The following CCDC7 variants were observed in gnomAD, a reference collection of about 807,000 sequenced individuals.
CCDC7 encodes the protein coiled-coil domain containing 7, also known as coiled-coil domain-containing protein 7.
CCDC7 carries 183 observed loss-of-function variants against 196.9 expected under a neutral mutation model. That is an observed-to-expected ratio of 0.93 (90% CI 0.82 to 1.05). The LOEUF (loss-of-function observed/expected upper bound fraction) is 1.05, where lower values mean the gene tolerates loss of function less well. CCDC7 is among the 50% of genes least tolerant of loss of function. The pLI is 0.00. For synonymous variants in CCDC7, 525 were observed against 484.6 expected, an observed-to-expected ratio of 1.08 and a Z score of -1.10; for missense variants, 1,540 against 1,482.2, an observed-to-expected ratio of 1.04 and a Z score of -0.64.
intron 21 of CCDC7, among the ~76,000 whole-genome samples, chr10:32,685,550 C>T (rs929920541): frequency 3.3e-5 from 5 of 152,182 alleles, no homozygotes; most frequent in African/African-American, 4.8e-5. Context: ...TTGGACACCC[C>T]TAGAACTTTA....
intron 41 of CCDC7, among the ~76,000 whole-genome samples, chr10:32,872,336 G>A (rs2094459132): frequency 6.6e-6 from 1 of 151,512 alleles, no homozygotes; most frequent in South Asian, 2.1e-4. Context: ...ATCTTTGTTG[G>A]TTTATCAGAG....
At chr10:32,791,108 A>G (rs2082627764) in intron 29 of CCDC7, among the ~76,000 whole-genome samples, 1 of 152,204 alleles carries the variant, frequency 6.6e-6, no homozygotes, top group Non-Finnish European at 1.5e-5. Flanking sequence ...TAGGCCACTG[A>G]GGCACCCACA....
In CCDC7 at chr10:32,544,238, A is replaced by G. The variant is rs372710344; in HGVS notation, c.1080-9A>G. ...ATCATGATGCATTTTAAAACATTTTATGTTACAGGAAGATGTCTCCAGAAA... is the reference window on the plus strand; with the variant it reads ...ATCATGATGCATTTTAAAACATTTTGTGTTACAGGAAGATGTCTCCAGAAA... On this transcript the variant is annotated splice_polypyrimidine_tract_variant and intron_variant, in intron 12 of 41. Transcript: ENST00000639629. 8.0e-5 allele frequency: 128 copies of G among 1,599,106 alleles called. No individual in the cohort carries two copies. In the Middle Eastern group the frequency reaches 8.3e-4, roughly 10 times the overall value.
At chr10:32,624,984 G>GTTTTTTT (rs35752534) in intron 18 of CCDC7, among the ~76,000 whole-genome samples, 7 of 51,680 alleles carry the variant, frequency 1.4e-4, no homozygotes, top group Non-Finnish European at 2.2e-4. Flanking sequence ...CTTTGCACAA[G>GTTTTTTT]TTTTTTTTTT....
chr10:32,644,913 G>C (rs947287146), intron 20 of CCDC7, among the ~76,000 whole-genome samples: 1 of 152,158 alleles, frequency 6.6e-6, no homozygotes, highest in Non-Finnish European at 1.5e-5. Flanking sequence ...CAACTGGATA[G>C]TATTCATTGC....
intron 9 of CCDC7, among the ~76,000 whole-genome samples, chr10:32,493,719 T>G (rs2042482257): frequency 6.6e-6 from 1 of 152,070 alleles, no homozygotes; most frequent in South Asian, 2.1e-4. Context: ...TTCTTTTTGA[T>G]AATAGCCATT....
chr10:32,765,369 A>G (rs974872495), intron 28 of CCDC7, among the ~76,000 whole-genome samples: 5 of 152,032 alleles, frequency 3.3e-5, no homozygotes, highest in African/African-American at 4.8e-5. Flanking sequence ...ATGGAGGGCA[A>G]GTGATCAATG....
At chr10:32,741,882 A>G (rs1395812554) in intron 28 of CCDC7, among the ~76,000 whole-genome samples, 1 of 152,138 alleles carries the variant, frequency 6.6e-6, no homozygotes, top group Non-Finnish European at 1.5e-5. Flanking sequence ...TACACATTTA[A>G]ATTTGTTATA....
At chr10:32,697,688 G>A (rs992874507) in intron 24 of CCDC7, among the ~76,000 whole-genome samples, 7 of 152,164 alleles carry the variant, frequency 4.6e-5, no homozygotes, top group African/African-American at 1.7e-4. Context: ...GAACTAGGTG[G>A]AGCCCACCGC....
Position 32,834,798 on chromosome 10 carries a change from C to T in CCDC7, c.3269-17C>T. On this transcript the variant is annotated splice_polypyrimidine_tract_variant and intron_variant, in intron 32 of 41. Coordinates refer to ENST00000639629, the Ensembl canonical transcript of CCDC7. ...TTACCTTTCAAAGCGTTTTGAAAAC[C>T]TGTTTTATTTTTATAGAGACTGTCT... 8.1e-7 allele frequency: 1 copy of T among 1,230,852 alleles called. No homozygotes were observed. The highest frequency in any genetic ancestry group is 1.2e-6 in the Non-Finnish European group (1 of 845,642). The allele number at this position is 1,230,852 out of a possible 1,614,324, so 76.2% of individuals were successfully genotyped here.
chr10:32,450,812 T>A (rs565790649), upstream of CCDC7, among the ~76,000 whole-genome samples: 1 of 152,238 alleles, frequency 6.6e-6, no homozygotes, highest in East Asian at 1.9e-4. Flanking sequence ...AGGAAGAAAT[T>A]GTAATTTTTC....
At chr10:32,764,016 T>C (rs1194774067) in intron 28 of CCDC7, among the ~76,000 whole-genome samples, 1 of 151,882 alleles carries the variant, frequency 6.6e-6, no homozygotes, top group Non-Finnish European at 1.5e-5. Flanking sequence ...ATTAACTTGA[T>C]TTAATCATTC....
intron 8 of CCDC7, among the ~76,000 whole-genome samples, chr10:32,476,906 G>A (rs1028083305): frequency 4.6e-5 from 7 of 152,072 alleles, no homozygotes; most frequent in Admixed American, 6.5e-5. Flanking sequence ...TGGGTTATTC[G>A]TTTTCTTATT....
intron 3 of CCDC7, among the ~76,000 whole-genome samples, chr10:32,459,953 A>G (rs2035274676): frequency 6.6e-6 from 1 of 152,150 alleles, no homozygotes; most frequent in Non-Finnish European, 1.5e-5. Context: ...AATTTTGTTG[A>G]TGACAGAGCC....
At chr10:32,499,745 C>T (rs993735428) in intron 9 of CCDC7, among the ~76,000 whole-genome samples, 2 of 152,074 alleles carry the variant, frequency 1.3e-5, no homozygotes, top group Non-Finnish European at 2.9e-5. Context: ...GCAGAGGGCC[C>T]TGCCGCCTTC....
intron 18 of CCDC7, among the ~76,000 whole-genome samples, chr10:32,605,043 G>T (rs2061428405): frequency 6.6e-6 from 1 of 152,106 alleles, no homozygotes; most frequent in Non-Finnish European, 1.5e-5. Context: ...TGTGGGGGCA[G>T]ATCCCTCATG....
At chr10:32,871,586 G>A (rs1316739486) in intron 41 of CCDC7, among the ~76,000 whole-genome samples, 3 of 151,400 alleles carry the variant, frequency 2.0e-5, no homozygotes, top group Admixed American at 6.6e-5. Flanking sequence ...AGGGTTTTTT[G>A]TGTCTCTATT....
intron 28 of CCDC7, among the ~76,000 whole-genome samples, chr10:32,756,069 A>G (rs1302033510): frequency 6.6e-6 from 1 of 152,200 alleles, no homozygotes; most frequent in Non-Finnish European, 1.5e-5. Flanking sequence ...AAAGAATAAA[A>G]AGAAATGAAC....
intron 41 of CCDC7, among the ~76,000 whole-genome samples, chr10:32,866,423 A>C (rs2094201024): frequency 6.6e-6 from 1 of 151,856 alleles, no homozygotes; most frequent in Non-Finnish European, 1.5e-5. Flanking sequence ...AAATCAATTT[A>C]AAAATAGTTG....
Sources: gnomAD v4.1 joint callset for allele counts (sites outside exome capture counted in the v4.1 genomes callset) on GRCh38, gnomAD v4.1.1 for gene constraint, MANE v1.5 for transcripts, NCBI Gene and HGNC (gene_info 2026-07-23, HGNC 2026-07-21) for gene names.